Variants in CHRM3 observed in about 807,000 individuals in gnomAD.
CHRM3 encodes muscarinic acetylcholine receptor M3.
In CHRM3, 11 loss-of-function variants were observed where a neutral mutation model predicts 41.8. That is an observed-to-expected ratio of 0.26 (90% CI 0.17 to 0.44). The LOEUF is 0.44. Among genes scored for constraint, CHRM3 ranks in the 20% least tolerant of loss-of-function variants. The pLI, the probability that CHRM3 is intolerant of heterozygous loss-of-function variation, is 1.00. For synonymous variants in CHRM3, 297 were observed against 301.4 expected, an observed-to-expected ratio of 0.99 and a Z score of 0.15; for missense variants, 571 against 745.4, an observed-to-expected ratio of 0.77 and a Z score of 2.72.
chr1:239,494,582 A>G (rs1667761592), intron 2 of CHRM3, among the ~76,000 whole-genome samples: 1 of 152,104 alleles, frequency 6.6e-6, no homozygotes, highest in African/African-American at 2.4e-5. Context: ...CATGTGCAAG[A>G]TGTGCAGGTC....
chr1:239,669,950 A>G (rs1235244020), intron 4 of CHRM3, among the ~76,000 whole-genome samples: 1 of 152,230 alleles, frequency 6.6e-6, no homozygotes, highest in Non-Finnish European at 1.5e-5. Flanking sequence ...AACAAACACA[A>G]GACAAAAATA....
rs185144525 is a variant in CHRM3 at position 239,864,242 on chromosome 1, C to T, written c.-20+36864C>T. ...TATGTATAGGCCGGGCATGGTGGCT[C>T]ATGCCTGTAATCCCAGCACTTTGGG... is the stretch of plus-strand genomic sequence containing the variant. On this transcript the variant is annotated intron_variant, in intron 6 of 6. Transcript: ENST00000676153. 3.7e-3 allele frequency among the ~76,000 whole-genome samples: 556 copies of T among 152,288 alleles called. 11 individuals carry two copies. Among genetic ancestry groups the T allele is most frequent in the South Asian group, 3.5e-3 (17 of 4,826 alleles).
chr1:239,592,179 A>C (rs751539582), intron 3 of CHRM3, among the ~76,000 whole-genome samples: 2 of 152,246 alleles, frequency 1.3e-5, no homozygotes, highest in Non-Finnish European at 2.9e-5. Context: ...CATGACATCC[A>C]TCCATAGTCT....
intron 2 of CHRM3, among the ~76,000 whole-genome samples, chr1:239,544,274 C>G (rs1249260083): frequency 6.6e-6 from 1 of 152,132 alleles, no homozygotes; most frequent in Admixed American, 6.6e-5. Flanking sequence ...TCAGTTTTCT[C>G]CTCTATTCGT....
intron 3 of CHRM3, among the ~76,000 whole-genome samples, chr1:239,602,795 A>C (rs1166031480): frequency 6.6e-6 from 1 of 152,148 alleles, no homozygotes; most frequent in Non-Finnish European, 1.5e-5. Context: ...ATTATGGTAA[A>C]AACAGATAAC....
intron 5 of CHRM3, among the ~76,000 whole-genome samples, chr1:239,774,058 G>A (rs1667899189): frequency 6.6e-6 from 1 of 152,148 alleles, no homozygotes; most frequent in African/African-American, 2.4e-5. Flanking sequence ...TGTAATATAT[G>A]AGAAAATACC....
chr1:239,656,538 G>A (rs1280301667), intron 4 of CHRM3, among the ~76,000 whole-genome samples: 1 of 152,038 alleles, frequency 6.6e-6, no homozygotes, highest in Non-Finnish European at 1.5e-5. Context: ...CTACTTGGAA[G>A]GCTAAGGTGG....
At chr1:239,795,843 T>C (rs900464422) in intron 5 of CHRM3, among the ~76,000 whole-genome samples, 1 of 152,236 alleles carries the variant, frequency 6.6e-6, no homozygotes, top group African/African-American at 2.4e-5. Context: ...TTGTTCATTT[T>C]ACCTAGCTGG....
chr1:239,687,596 A>AC (rs1659268122), intron 5 of CHRM3, among the ~76,000 whole-genome samples: 1 of 152,150 alleles, frequency 6.6e-6, no homozygotes, highest in South Asian at 2.1e-4. Flanking sequence ...TATAAATGTG[A>AC]CATGTTTTAA....
At chr1:239,675,701 G>A (rs1182935269) in intron 4 of CHRM3, among the ~76,000 whole-genome samples, 1 of 152,138 alleles carries the variant, frequency 6.6e-6, no homozygotes. Context: ...TTTTTCAATT[G>A]GAAAAGCATT....
At chr1:239,532,518 C>G (rs186005943) in intron 2 of CHRM3, among the ~76,000 whole-genome samples, 1 of 149,496 alleles carries the variant, frequency 6.7e-6, no homozygotes, top group Non-Finnish European at 1.5e-5. Flanking sequence ...CCAGCTACTC[C>G]GGAGGCTGAG....
chr1:239,715,448 C>T (rs193014562), intron 5 of CHRM3, among the ~76,000 whole-genome samples: 38 of 152,140 alleles, frequency 2.5e-4, no homozygotes, highest in African/African-American at 8.4e-4. Flanking sequence ...ATGACCATGG[C>T]GTAAATACCG....
chr1:239,617,034 A>C (rs1572944612), intron 3 of CHRM3, among the ~76,000 whole-genome samples: 1 of 152,080 alleles, frequency 6.6e-6, no homozygotes, highest in African/African-American at 2.4e-5. Context: ...TTCTTTCTGT[A>C]CTGATATAGA....
At position 239,733,824 on chromosome 1, in the gene CHRM3, T is replaced by G. The variant is rs565689820; in HGVS notation, c.-147+55536T>G. On this transcript the variant is annotated intron_variant, in intron 5 of 6. Transcript: ENST00000676153. ...TATTAAGCACCTATTTAGCATCTGT[T>G]GTCAATCAGACATTGCTTGAACCTT... Among the ~76,000 whole-genome samples the G allele has an allele frequency of 2.2e-3, 342 of 152,238 alleles. No homozygotes were observed. In the Middle Eastern group the frequency reaches 0.024, roughly 11 times the overall value.
At chr1:239,402,079 A>G (rs1297825609) in intron 1 of CHRM3, among the ~76,000 whole-genome samples, 2 of 152,160 alleles carry the variant, frequency 1.3e-5, no homozygotes, top group African/African-American at 4.8e-5. Context: ...CAAGTGCTAC[A>G]TATTCATTTC....
intron 4 of CHRM3, among the ~76,000 whole-genome samples, chr1:239,650,957 A>G (rs1338909692): frequency 1.3e-5 from 2 of 152,204 alleles, no homozygotes; most frequent in African/African-American, 4.8e-5. Flanking sequence ...AATATATGTA[A>G]ATATATGTAA....
At chr1:239,600,786 C>T (rs886779907) in intron 3 of CHRM3, among the ~76,000 whole-genome samples, 17 of 149,414 alleles carry the variant, frequency 1.1e-4, no homozygotes, top group Non-Finnish European at 2.1e-4. Flanking sequence ...TCTTTTCCTT[C>T]CTTCCTTTTC....
At chr1:239,532,923 T>A (rs1657796823) in intron 2 of CHRM3, among the ~76,000 whole-genome samples, 1 of 152,184 alleles carries the variant, frequency 6.6e-6, no homozygotes, top group African/African-American at 2.4e-5. Flanking sequence ...TAAAAAGTTT[T>A]TTTTCTATTT....
At chr1:239,424,024 C>A (rs1662163467) in intron 1 of CHRM3, among the ~76,000 whole-genome samples, 1 of 142,752 alleles carries the variant, frequency 7.0e-6, no homozygotes, top group Non-Finnish European at 1.5e-5. Context: ...CACTGCACTC[C>A]AGCCTGGGCA....
Sources: allele counts gnomAD v4.1 joint callset (sites outside exome capture counted in the v4.1 genomes callset), GRCh38; gene constraint gnomAD v4.1.1; transcripts MANE v1.5; gene names NCBI Gene and HGNC (gene_info 2026-07-23, HGNC 2026-07-21).